PCCA: variants seen among roughly 807,000 people sequenced by gnomAD.
PCCA encodes propionyl-CoA carboxylase alpha chain, mitochondrial.
A neutral mutation model predicts 101.3 loss-of-function variants in PCCA; 74 were observed. That is an observed-to-expected ratio of 0.73 (90% CI 0.61 to 0.89). The LOEUF (loss-of-function observed/expected upper bound fraction) is 0.89. Among genes scored for constraint, PCCA ranks in the 40% least tolerant of loss-of-function variants. PCCA has a pLI of 0.00. For synonymous variants in PCCA, 294 were observed against 313.6 expected, an observed-to-expected ratio of 0.94 and a Z score of 0.66; for missense variants, 891 against 907.0, an observed-to-expected ratio of 0.98 and a Z score of 0.23.
At chr13:100,464,317 G>A (rs2082361372) in intron 21 of PCCA, 4 of 152,152 alleles carry the variant, frequency 2.6e-5, no homozygotes, top group Admixed American at 2.6e-4. Flanking sequence ...TGAACAGGTT[G>A]CCTAACCTCC....
At chr13:100,505,002 G>A (rs531824990) in intron 21 of PCCA, among the ~76,000 whole-genome samples, 107 of 152,262 alleles carry the variant, frequency 7.0e-4, no homozygotes, top group Non-Finnish European at 1.2e-3. Flanking sequence ...TCATAAAGAA[G>A]GAATCTGAGA....
intron 7 of PCCA, among the ~76,000 whole-genome samples, chr13:100,232,278 C>T (rs2060518984): frequency 6.6e-6 from 1 of 151,740 alleles, no homozygotes; most frequent in African/African-American, 2.4e-5. Flanking sequence ...GTGTGGTTCC[C>T]TCTGTCTAAT....
intron 4 of PCCA, among the ~76,000 whole-genome samples, chr13:100,147,998 G>C (rs1001182034): frequency 5.3e-5 from 8 of 151,774 alleles, no homozygotes; most frequent in African/African-American, 1.9e-4. Flanking sequence ...GCCCAGGTTG[G>C]ACTCGAACTC....
chr13:100,196,781 T>G (rs1037813451), intron 6 of PCCA, among the ~76,000 whole-genome samples: 2 of 152,210 alleles, frequency 1.3e-5, no homozygotes, highest in African/African-American at 2.4e-5. Flanking sequence ...TTTTGAATTT[T>G]AAAATAATAG....
intron 2 of PCCA, among the ~76,000 whole-genome samples, chr13:100,105,597 GGCC>G (rs2047680425): frequency 6.7e-6 from 1 of 149,458 alleles, no homozygotes; most frequent in Non-Finnish European, 1.5e-5. Flanking sequence ...GGGAGTTTGA[GGCC>G]AGTGGATTGC....
chr13:100,374,139 A>T (rs1312983141), intron 19 of PCCA, among the ~76,000 whole-genome samples: 1 of 152,020 alleles, frequency 6.6e-6, no homozygotes, highest in African/African-American at 2.4e-5. Flanking sequence ...TAAATAAAAT[A>T]AAAAAGGAGG....
chr13:100,123,103 C>G lies in PCCA; in HGVS notation c.300+11042C>G, dbSNP rs187775502. Among the ~76,000 whole-genome samples, 55 of 152,368 alleles carry G rather than the reference C, an allele frequency of 3.6e-4. No individual in the cohort carries two copies. The East Asian group carries it at 0.01, about 29-fold the overall frequency. On this transcript the variant is annotated intron_variant, in intron 4 of 23. Transcript: ENST00000376285. ...ACAAATTCTCACTCTGTCGTCCAGG[C>G]TGGAGTGCAATGGCACCATCTTGGT...
At chr13:100,265,790 AT>A (rs768852223) in intron 10 of PCCA, among the ~76,000 whole-genome samples, 42 of 151,916 alleles carry the variant, frequency 2.8e-4, no homozygotes, top group Non-Finnish European at 4.6e-4. Context: ...AATTCTGGAT[AT>A]TTTGTGAAGG....
At chr13:100,516,451 A>C (rs2086834110) in intron 22 of PCCA, among the ~76,000 whole-genome samples, 1 of 152,214 alleles carries the variant, frequency 6.6e-6, no homozygotes, top group African/African-American at 2.4e-5. Flanking sequence ...GCTTCTAGAA[A>C]AGTATTTGCA....
chr13:100,150,576 G>T (rs1004532210), intron 4 of PCCA: 60 of 1,236,812 alleles, frequency 4.9e-5, no homozygotes, highest in Non-Finnish European at 6.8e-5. Flanking sequence ...CCGTTTCCAA[G>T]GGCCAGGGCT....
chr13:100,240,938 A>G (rs911894129), intron 8 of PCCA, among the ~76,000 whole-genome samples: 5 of 152,116 alleles, frequency 3.3e-5, no homozygotes, highest in Non-Finnish European at 7.4e-5. Flanking sequence ...ATATGCATAT[A>G]TATATATAAC....
intron 7 of PCCA, among the ~76,000 whole-genome samples, chr13:100,224,579 G>C (rs1418734924): frequency 6.6e-6 from 1 of 152,246 alleles, no homozygotes; most frequent in African/African-American, 2.4e-5. Context: ...TGTGAGGACT[G>C]CCAGCACGCT....
intron 6 of PCCA, among the ~76,000 whole-genome samples, chr13:100,194,542 C>G (rs563409138): frequency 1.2e-4 from 19 of 152,068 alleles, no homozygotes; most frequent in African/African-American, 4.1e-4. Flanking sequence ...CTCAGCCTCC[C>G]GAGTAGCTGG....
At chr13:100,111,156 C>T (rs1594137755) in intron 2 of PCCA, among the ~76,000 whole-genome samples, 3 of 144,740 alleles carry the variant, frequency 2.1e-5, no homozygotes, top group South Asian at 4.6e-4. Context: ...AGATTAGAGG[C>T]GCGTACCACT....
intron 6 of PCCA, among the ~76,000 whole-genome samples, chr13:100,172,151 A>C (rs1322084333): frequency 6.6e-6 from 1 of 151,242 alleles, no homozygotes; most frequent in Non-Finnish European, 1.5e-5. Context: ...CAGTGAGCTG[A>C]GATTGCACCA....
chr13:100,465,746 C>T (rs896601376), intron 21 of PCCA, among the ~76,000 whole-genome samples: 4 of 152,156 alleles, frequency 2.6e-5, no homozygotes, highest in Non-Finnish European at 5.9e-5. Context: ...CCAAATATTG[C>T]CAAATGGCTG....
intron 11 of PCCA, among the ~76,000 whole-genome samples, chr13:100,272,002 A>G (rs1315475592): frequency 6.6e-6 from 1 of 152,214 alleles, no homozygotes; most frequent in Admixed American, 6.5e-5. Context: ...TTTGAGAATA[A>G]TTTTAATCCA....
chr13:100,480,126 T>A (rs2083770896), intron 21 of PCCA: 1 of 130,444 alleles, frequency 7.7e-6, no homozygotes, highest in Admixed American at 7.0e-5. Context: ...CTTTGATATT[T>A]GACTTTTGAA....
chr13:100,128,339 G>A (rs2050161881), intron 4 of PCCA, among the ~76,000 whole-genome samples: 1 of 152,174 alleles, frequency 6.6e-6, no homozygotes, highest in Non-Finnish European at 1.5e-5. Flanking sequence ...TTTTATTAGT[G>A]CCTGTTGGAG....
Sources: allele counts gnomAD v4.1 joint callset (sites outside exome capture counted in the v4.1 genomes callset), GRCh38; gene constraint gnomAD v4.1.1; transcripts MANE v1.5; gene names NCBI Gene and HGNC (gene_info 2026-07-23, HGNC 2026-07-21).